Variants in HYDIN observed in about 807,000 individuals in gnomAD.
HYDIN encodes the protein axonemal central pair apparatus protein HYDIN.
In HYDIN, 132 loss-of-function variants were observed where a neutral mutation model predicts 403.9. The observed-to-expected ratio is 0.33, with a 90% CI of 0.28 to 0.38. The LOEUF is 0.38. Among genes scored for constraint, HYDIN ranks in the 10% least tolerant of loss-of-function variants. HYDIN has a pLI of 1.00. For synonymous variants in HYDIN, 1,202 were observed against 1,891.7 expected, an observed-to-expected ratio of 0.64 and a Z score of 9.46; for missense variants, 2,827 against 5,009.5, an observed-to-expected ratio of 0.56 and a Z score of 13.15.
At chr16:71,115,259 C>G (rs1478957548) in intron 10 of HYDIN, among the ~76,000 whole-genome samples, 3 of 152,124 alleles carry the variant, frequency 2.0e-5, no homozygotes, top group Non-Finnish European at 4.4e-5. Flanking sequence ...GGGCTCTTTC[C>G]TCCTTTACTC....
At chr16:71,098,229 T>C (rs1203433625) in intron 10 of HYDIN, among the ~76,000 whole-genome samples, 1 of 143,776 alleles carries the variant, frequency 7.0e-6, no homozygotes, top group Non-Finnish European at 1.5e-5. Context: ...TGAGATGGAG[T>C]CTCGCTCTGT....
At chr16:71,040,072 C>T (rs2144191634) in intron 18 of HYDIN, among the ~76,000 whole-genome samples, 1 of 151,982 alleles carries the variant, frequency 6.6e-6, no homozygotes, top group East Asian at 2.0e-4. Context: ...TGCTGGCACC[C>T]AGGAGTGCTC....
At chr16:71,200,272 A>C (rs2087928256) in intron 1 of HYDIN, among the ~76,000 whole-genome samples, 1 of 152,190 alleles carries the variant, frequency 6.6e-6, no homozygotes, top group Non-Finnish European at 1.5e-5. Context: ...CCATTCTTTT[A>C]TTCCTTTACT....
intron 7 of HYDIN, among the ~76,000 whole-genome samples, chr16:71,146,212 T>G (rs2085362459): frequency 6.6e-6 from 1 of 152,150 alleles, no homozygotes; most frequent in Admixed American, 6.5e-5. Flanking sequence ...TTGACTATGC[T>G]TCATTCTTTT....
intron 50 of HYDIN, among the ~76,000 whole-genome samples, chr16:70,906,066 G>A (rs1375486102): frequency 6.6e-6 from 1 of 151,220 alleles, no homozygotes; most frequent in Non-Finnish European, 1.5e-5. Flanking sequence ...AAGAAACATT[G>A]TATTGAATGA....
At chr16:70,882,928 C>T (rs2040901167) in intron 59 of HYDIN, 33 bp from the exon 60 acceptor site, 2 of 1,515,016 alleles carry the variant, frequency 1.3e-6, no homozygotes, top group Non-Finnish European at 1.8e-6. Flanking sequence ...TGAGATGCTG[C>T]CTGATTGCTG....
Position 71,089,355 on chromosome 16 carries a change from A to G in HYDIN, c.1447-831T>C, listed in dbSNP as rs539860843. Among the ~76,000 whole-genome samples, 16 of 152,096 alleles carry G rather than the reference A, an allele frequency of 1.1e-4. No homozygotes were observed. In the East Asian group the frequency reaches 3.1e-3, roughly 30 times the overall value. On this transcript the variant is annotated intron_variant, in intron 11 of 85. Transcript: ENST00000393567. ...CATGTTGTTCTATCCTGGCTTCCAA[A>G]GACACCACCTCTGATCCTTGCCAAT... is the stretch of plus-strand genomic sequence containing the variant.
intron 67 of HYDIN, among the ~76,000 whole-genome samples, chr16:70,863,731 C>A (rs2039552501): frequency 6.6e-6 from 1 of 151,786 alleles, no homozygotes; most frequent in Non-Finnish European, 1.5e-5. Context: ...TAAAAATTAG[C>A]CAGGTGTGGT....
rs1044952088 is a variant in HYDIN, at chr16:71,069,118, T to A, written c.1974+149A>T. 7 of 660,234 alleles carry A rather than the reference T, an allele frequency of 1.1e-5. No individual in the cohort carries two copies. The African/African-American group carries it at 1.1e-4, about 10-fold the overall frequency. 40.9% of individuals were successfully genotyped at this position (660,234 alleles called of 1,614,324 possible). A position where few individuals can be genotyped will look rare whatever the true frequency, so the allele number is the denominator to read the frequency against. On this transcript the variant is annotated intron_variant, in intron 14 of 85. Transcript: ENST00000393567. Reference sequence around the variant, plus strand: ...CCCAATGTATTTGTGTCTGATTTATTTCCTTATAGGCCCACGTTTCCCTGT... The same window carrying A: ...CCCAATGTATTTGTGTCTGATTTATATCCTTATAGGCCCACGTTTCCCTGT...
At chr16:71,131,968 G>C (rs1473549421) in intron 8 of HYDIN, 1 of 152,006 alleles carries the variant, frequency 6.6e-6, no homozygotes, top group African/African-American at 2.4e-5. Flanking sequence ...GAAAAACAAA[G>C]TGGTAAAATG....
At chr16:71,049,987 T>A (rs2081581375) in intron 18 of HYDIN, among the ~76,000 whole-genome samples, 1 of 148,568 alleles carries the variant, frequency 6.7e-6, no homozygotes, top group Non-Finnish European at 1.5e-5. Flanking sequence ...TACAAGAATA[T>A]ATATATATAA....
intron 83 of HYDIN, among the ~76,000 whole-genome samples, chr16:70,819,195 G>A (rs527869308): frequency 1.2e-4 from 19 of 152,082 alleles, no homozygotes; most frequent in African/African-American, 4.6e-4. Flanking sequence ...GATTATAGGT[G>A]TGAGCCACAG....
At position 70,920,962 on chromosome 16, in the gene HYDIN, T is replaced by C. The variant is rs996068459; in HGVS notation, c.7414A>G (p.Met2472Val). 1.9e-6 allele frequency: 3 copies of C among 1,608,022 alleles called. No individual in the cohort carries two copies. Among genetic ancestry groups the C allele is most frequent in the Non-Finnish European group, 1.7e-6 (2 of 1,176,968 alleles). The change falls in exon 46 of 86, where the codon ATG (methionine) becomes GTG (valine). Residue 2472 changes from methionine to valine, a missense_variant. Met to Val is a conservative substitution (Grantham distance 21). Coordinates refer to ENST00000393567, the MANE Select transcript of HYDIN (RefSeq NM_001270974.2). ...ACTCCTTGCTTCCGGTCCCAGTACA[T>C]GAGGATGTTCTGGACATCCTTCAGT... Reference protein sequence around the residue: ...LTLKDVQNILMYWDRKQGVQL... With the variant: ...LTLKDVQNILVYWDRKQGVQL...
intron 50 of HYDIN, among the ~76,000 whole-genome samples, 192 bp downstream of exon 50, chr16:70,907,180 A>G (rs543393304): frequency 1.0e-3 from 155 of 152,354 alleles, no homozygotes; most frequent in Middle Eastern, 3.4e-3. Context: ...ATATGGGAAC[A>G]TGGCACCCTC....
chr16:71,193,189 G>A (rs1225531951), intron 1 of HYDIN, among the ~76,000 whole-genome samples: 1 of 152,216 alleles, frequency 6.6e-6, no homozygotes, highest in Non-Finnish European at 1.5e-5. Flanking sequence ...CATACAAGGA[G>A]CTCAGTAAAT....
At chr16:71,042,227 T>C (rs926893034) in intron 18 of HYDIN, among the ~76,000 whole-genome samples, 3 of 152,140 alleles carry the variant, frequency 2.0e-5, no homozygotes, top group Admixed American at 6.5e-5. Flanking sequence ...GGAAAAGTTA[T>C]ATTGTAAAAA....
chr16:71,211,598 C>T (rs923508604), intron 1 of HYDIN, among the ~76,000 whole-genome samples: 4 of 142,240 alleles, frequency 2.8e-5, no homozygotes, highest in Admixed American at 7.2e-5. Context: ...GCCAAGATTG[C>T]GCCACTGCAC....
intron 1 of HYDIN, among the ~76,000 whole-genome samples, chr16:71,205,134 C>T (rs1034615159): frequency 2.0e-5 from 3 of 152,148 alleles, no homozygotes; most frequent in African/African-American, 7.2e-5. Context: ...AGAAGTCGGA[C>T]GCTACAATGG....
At chr16:71,003,857 C>T (rs1404700926) in intron 23 of HYDIN, among the ~76,000 whole-genome samples, 12 of 151,416 alleles carry the variant, frequency 7.9e-5, no homozygotes, top group Admixed American at 3.3e-4. Flanking sequence ...CCTCCTCACT[C>T]GATTCTTTCA....
Sources: gnomAD v4.1 joint callset for allele counts (sites outside exome capture counted in the v4.1 genomes callset) on GRCh38, gnomAD v4.1.1 for gene constraint, MANE v1.5 for transcripts, NCBI Gene and HGNC (gene_info 2026-07-23, HGNC 2026-07-21) for gene names.